FAF1: variants seen among roughly 807,000 people sequenced by gnomAD.
FAF1 encodes FAS-associated factor 1.
A neutral mutation model predicts 92.5 loss-of-function variants in FAF1; 25 were observed. That is an observed-to-expected ratio of 0.27 (90% CI 0.20 to 0.38). The LOEUF is 0.38. Ranked by LOEUF, FAF1 falls within the 10% of genes least tolerant of loss-of-function variation. FAF1 has a pLI of 1.00. For missense variants in FAF1, 636 were observed against 793.3 expected (o/e 0.80, Z 2.38); for synonymous variants, 234 against 273.2 (o/e 0.86, Z 1.42).
At chr1:50,931,544 CAG>C (rs1645047109) in intron 1 of FAF1, among the ~76,000 whole-genome samples, 2 of 152,108 alleles carry the variant, frequency 1.3e-5, no homozygotes. Flanking sequence ...ATAAACCTAT[CAG>C]ATCTCAAGAG....
intron 18 of FAF1, among the ~76,000 whole-genome samples, chr1:50,444,498 G>A (rs890838008): frequency 1.3e-5 from 2 of 152,194 alleles, no homozygotes; most frequent in African/African-American, 4.8e-5. Flanking sequence ...TAGGGCTGGT[G>A]AAATAAAATC....
At chr1:50,618,622 G>T (rs532588059) in intron 8 of FAF1, among the ~76,000 whole-genome samples, 2 of 151,884 alleles carry the variant, frequency 1.3e-5, no homozygotes, top group East Asian at 1.9e-4. Flanking sequence ...CCAATGCTGG[G>T]TGAGCATATA....
At chr1:50,568,573 T>G (rs772056933) in intron 12 of FAF1, among the ~76,000 whole-genome samples, 1 of 152,176 alleles carries the variant, frequency 6.6e-6, no homozygotes, top group Non-Finnish European at 1.5e-5. Context: ...ACACTGTTAC[T>G]TTCACAACCA....
chr1:50,748,601 C>T (rs755170537), intron 4 of FAF1, among the ~76,000 whole-genome samples: 1 of 152,030 alleles, frequency 6.6e-6, no homozygotes, highest in Non-Finnish European at 1.5e-5. Flanking sequence ...TTCCCTGTGC[C>T]CCACAATTAT....
At chr1:50,803,079 T>C (rs1176189571) in intron 2 of FAF1, among the ~76,000 whole-genome samples, 1 of 152,178 alleles carries the variant, frequency 6.6e-6, no homozygotes, top group Non-Finnish European at 1.5e-5. Context: ...GGCTTGTAAA[T>C]CCTTTGAGTA....
chr1:50,485,135 T>C (rs1312995009), intron 17 of FAF1, among the ~76,000 whole-genome samples: 1 of 151,668 alleles, frequency 6.6e-6, no homozygotes, highest in Non-Finnish European at 1.5e-5. Flanking sequence ...ATTATTATTT[T>C]TTTTAAATAG....
At chr1:50,840,813 CATT>C (rs1019628724) in intron 2 of FAF1, among the ~76,000 whole-genome samples, 1 of 151,794 alleles carries the variant, frequency 6.6e-6, no homozygotes, top group Admixed American at 6.6e-5. Flanking sequence ...TTTATTACAT[CATT>C]GTTTTACTTA....
intron 6 of FAF1, among the ~76,000 whole-genome samples, chr1:50,733,582 TA>T (rs991635488): frequency 2.4e-4 from 36 of 152,200 alleles, no homozygotes; most frequent in African/African-American, 8.0e-4. Context: ...GATGTCCTTA[TA>T]AAAAGATGAA....
intron 1 of FAF1, among the ~76,000 whole-genome samples, chr1:50,928,899 C>T (rs1645027308): frequency 6.6e-6 from 1 of 150,512 alleles, no homozygotes; most frequent in Admixed American, 6.6e-5. Context: ...GCCTGGCCAA[C>T]ACGGTGAAAC....
intron 2 of FAF1, among the ~76,000 whole-genome samples, chr1:50,852,387 C>A (rs1254973593): frequency 6.6e-6 from 1 of 152,166 alleles, no homozygotes; most frequent in Non-Finnish European, 1.5e-5. Context: ...GTCAAGTATT[C>A]ATTAGGCAAT....
chr1:50,575,183 C>G (rs1650668219), intron 12 of FAF1, among the ~76,000 whole-genome samples: 1 of 152,164 alleles, frequency 6.6e-6, no homozygotes, highest in Admixed American at 6.5e-5. Context: ...GCTGGGATTA[C>G]AGGCGTGAGC....
chr1:50,589,534 A>G (rs570840805), intron 9 of FAF1, among the ~76,000 whole-genome samples: 1 of 152,220 alleles, frequency 6.6e-6, no homozygotes, highest in Non-Finnish European at 1.5e-5. Flanking sequence ...CTGGGTTGTT[A>G]TATTACTTAG....
rs569202271 is a variant in FAF1, at chr1:50,561,637, C to T, written c.1268+5440G>A. ...GGTCAGGAGTTTTAGACCAGCCTGGCCAATATGGTGAAACCCCATCTCTAC... is the reference window on the plus strand; with the variant it reads ...GGTCAGGAGTTTTAGACCAGCCTGGTCAATATGGTGAAACCCCATCTCTAC... On this transcript the variant is annotated intron_variant, in intron 13 of 18. Transcript: ENST00000396153. Among the ~76,000 whole-genome samples the T allele has an allele frequency of 3.3e-5, 5 of 152,148 alleles. No individual in the cohort carries two copies. The South Asian group carries it at 1.0e-3, about 32-fold the overall frequency.
At position 50,717,086 on chromosome 1, in the gene FAF1, C is replaced by T. The variant is rs544270601; in HGVS notation, c.552-11195G>A. Among the ~76,000 whole-genome samples, 5 of 152,306 alleles carry T rather than the reference C, an allele frequency of 3.3e-5. No individual in the cohort carries two copies. In the East Asian group the frequency reaches 7.7e-4, roughly 23 times the overall value. ...GACACACCATCTTTAAGAGCCGTAA[C>T]ACTCACCGCGAAGGTCCGCGGCTTC... On this transcript the variant is annotated intron_variant, in intron 6 of 18. Transcript: ENST00000396153.
At chr1:50,657,106 G>A (rs1171731452) in intron 7 of FAF1, among the ~76,000 whole-genome samples, 1 of 151,810 alleles carries the variant, frequency 6.6e-6, no homozygotes, top group Non-Finnish European at 1.5e-5. Flanking sequence ...CCACTACACA[G>A]GAAGCTGAGG....
chr1:50,575,858 T>C (rs561060361), intron 12 of FAF1, among the ~76,000 whole-genome samples: 4 of 152,350 alleles, frequency 2.6e-5, no homozygotes, highest in East Asian at 1.9e-4. Context: ...CAAATTTGTA[T>C]AGAACTTATT....
At chr1:50,852,540 A>G (rs1312230246) in intron 2 of FAF1, among the ~76,000 whole-genome samples, 1 of 152,168 alleles carries the variant, frequency 6.6e-6, no homozygotes, top group African/African-American at 2.4e-5. Flanking sequence ...GATATTATTT[A>G]TAAGTGGTAG....
At chr1:50,603,240 T>C (rs756330396) in intron 8 of FAF1, among the ~76,000 whole-genome samples, 13 of 152,196 alleles carry the variant, frequency 8.5e-5, no homozygotes, top group Non-Finnish European at 1.3e-4. Context: ...ACATAGTAAG[T>C]GCTTAACATA....
At chr1:50,670,891 C>A (rs1655844928) in intron 7 of FAF1, among the ~76,000 whole-genome samples, 2 of 152,070 alleles carry the variant, frequency 1.3e-5, no homozygotes, top group Admixed American at 1.3e-4. Context: ...GATCCCACCA[C>A]TGCATTCCAG....
Sources: gnomAD v4.1 joint callset for allele counts (sites outside exome capture counted in the v4.1 genomes callset) on GRCh38, gnomAD v4.1.1 for gene constraint, MANE v1.5 for transcripts, NCBI Gene and HGNC (gene_info 2026-07-23, HGNC 2026-07-21) for gene names.